The following RANBP17 variants were observed in gnomAD, a reference collection of about 807,000 sequenced individuals.
RANBP17 encodes the protein RAN binding protein 17.
A neutral mutation model predicts 141.2 loss-of-function variants in RANBP17; 158 were observed. The observed-to-expected ratio is 1.12, with a 90% CI of 0.98 to 1.28. The LOEUF is 1.28. RANBP17 is among the 50% of genes most tolerant of loss of function. RANBP17 has a pLI of 0.00. For missense variants in RANBP17, 1,438 were observed against 1,290.7 expected (o/e 1.11, Z -1.75); for synonymous variants, 430 against 450.0 (o/e 0.96, Z 0.56).
chr5:171,039,911 C>G (rs991216286), intron 14 of RANBP17, among the ~76,000 whole-genome samples: 15 of 152,084 alleles, frequency 9.9e-5, no homozygotes, highest in Non-Finnish European at 1.9e-4. Context: ...AGCCGCAGAT[C>G]AGATGGATTC....
At chr5:171,051,274 G>A (rs561286979) in intron 14 of RANBP17, among the ~76,000 whole-genome samples, 2 of 152,110 alleles carry the variant, frequency 1.3e-5, no homozygotes, top group South Asian at 4.2e-4. Context: ...GCTATATTGA[G>A]TGTTTTTGAA....
intron 1 of RANBP17, among the ~76,000 whole-genome samples, chr5:170,862,489 C>A (rs1370421008): frequency 6.6e-6 from 1 of 152,224 alleles, no homozygotes; most frequent in Non-Finnish European, 1.5e-5. Flanking sequence ...GCGGCTCTAT[C>A]GTCAGCCTCC....
intron 14 of RANBP17, among the ~76,000 whole-genome samples, chr5:171,135,195 A>C (rs1757187353): frequency 6.6e-6 from 1 of 150,996 alleles, no homozygotes; most frequent in Admixed American, 6.6e-5. Flanking sequence ...TAGGAGAATC[A>C]GTTGAACCCA....
At chr5:171,011,550 A>G (rs1343403722) in intron 14 of RANBP17, among the ~76,000 whole-genome samples, 1 of 152,022 alleles carries the variant, frequency 6.6e-6, no homozygotes, top group African/African-American at 2.4e-5. Flanking sequence ...AAATGCCTTC[A>G]TACTGTGCAT....
intron 14 of RANBP17, among the ~76,000 whole-genome samples, chr5:171,168,889 C>T (rs1759905943): frequency 6.6e-6 from 1 of 151,908 alleles, no homozygotes; most frequent in Admixed American, 6.6e-5. Context: ...TGCTCTCCAC[C>T]GTTCAGCCCT....
intron 6 of RANBP17, 195 bp from the exon 7 acceptor site, chr5:170,910,774 T>C: frequency 1.9e-6 from 1 of 536,442 alleles, no homozygotes. Context: ...ATTAGCTGAA[T>C]GTGATTCTTT....
chr5:171,057,661 A>C (rs1253792143), intron 14 of RANBP17, among the ~76,000 whole-genome samples: 2 of 99,086 alleles, frequency 2.0e-5, no homozygotes, highest in African/African-American at 5.7e-5. Flanking sequence ...ATAATTTATA[A>C]AGCTTCATTG....
chr5:171,168,923 AC>A (rs1382921319), intron 14 of RANBP17, among the ~76,000 whole-genome samples: 5 of 151,006 alleles, frequency 3.3e-5, no homozygotes, highest in Admixed American at 2.0e-4. Context: ...CACCCTCTAC[AC>A]CTAACCCTTC....
intron 4 of RANBP17, among the ~76,000 whole-genome samples, chr5:170,895,601 G>A (rs1017591107): frequency 5.9e-5 from 9 of 152,118 alleles, no homozygotes; most frequent in African/African-American, 2.2e-4. Context: ...TTGAATTAGT[G>A]CCTAAGCTAC....
chr5:171,086,158 G>A (rs1222986837), intron 14 of RANBP17, among the ~76,000 whole-genome samples: 3 of 141,496 alleles, frequency 2.1e-5, no homozygotes, highest in African/African-American at 8.0e-5. Context: ...AATTTATTGA[G>A]AGTTTTTAGC....
chr5:171,003,683 G>A (rs1779380298), intron 14 of RANBP17, among the ~76,000 whole-genome samples: 2 of 152,124 alleles, frequency 1.3e-5, no homozygotes, highest in South Asian at 4.1e-4. Context: ...TGAATAAGGT[G>A]AGAAGTGGAG....
At chr5:170,937,619 T>C (rs1773984676) in intron 12 of RANBP17, among the ~76,000 whole-genome samples, 1 of 152,160 alleles carries the variant, frequency 6.6e-6, no homozygotes, top group Non-Finnish European at 1.5e-5. Flanking sequence ...GTAAATAGAT[T>C]GGTGGGCAGA....
At chr5:170,901,006 C>T (rs1332309340) in intron 5 of RANBP17, among the ~76,000 whole-genome samples, 1 of 152,128 alleles carries the variant, frequency 6.6e-6, no homozygotes, top group Non-Finnish European at 1.5e-5. Context: ...GTGGAGAGTT[C>T]TGTAGATGTC....
intron 1 of RANBP17, among the ~76,000 whole-genome samples, chr5:170,874,953 C>T (rs753890999): frequency 5.7e-4 from 86 of 152,164 alleles, no homozygotes; most frequent in Non-Finnish European, 1.8e-4. Context: ...TGTGTTTTTG[C>T]AGTGGCTGGT....
intron 12 of RANBP17, among the ~76,000 whole-genome samples, chr5:170,935,027 A>G (rs1387533378): frequency 4.6e-5 from 7 of 151,920 alleles, no homozygotes; most frequent in Admixed American, 3.3e-4. Flanking sequence ...TTTTCTCTAA[A>G]CTTCTCTTCT....
chr5:170,913,893 T>C (rs1188052005), intron 7 of RANBP17, among the ~76,000 whole-genome samples: 2 of 152,118 alleles, frequency 1.3e-5, no homozygotes, highest in Non-Finnish European at 2.9e-5. Flanking sequence ...TTTATATTAC[T>C]TGAATACAAA....
chr5:171,166,413 G>A (rs1759700304), intron 14 of RANBP17, among the ~76,000 whole-genome samples: 1 of 149,808 alleles, frequency 6.7e-6, no homozygotes, highest in African/African-American at 2.5e-5. Context: ...AGGAATCTGT[G>A]GACTGAAAGT....
At chr5:170,932,562 AT>A (rs55746840) in intron 12 of RANBP17, among the ~76,000 whole-genome samples, 98,180 of 151,644 alleles carry the variant, frequency 0.65, 32,392 homozygotes, top group South Asian at 0.9. Context: ...AATAGCTCTT[AT>A]TTTTTTTGAG....
intron 22 of RANBP17, among the ~76,000 whole-genome samples, chr5:171,235,247 A>G (rs1250474156): frequency 1.3e-5 from 2 of 152,058 alleles, no homozygotes; most frequent in Non-Finnish European, 2.9e-5. Context: ...GAGAATGAGA[A>G]GAGAAGAAAT....
Sources: allele counts gnomAD v4.1 joint callset (sites outside exome capture counted in the v4.1 genomes callset), GRCh38; gene constraint gnomAD v4.1.1; transcripts MANE v1.5; gene names NCBI Gene and HGNC (gene_info 2026-07-23, HGNC 2026-07-21).